The following PCDHGA11 variants were observed in gnomAD, a reference collection of about 807,000 sequenced individuals.
PCDHGA11 encodes the protein protocadherin gamma subfamily A, 11.
Under a neutral mutation model 60.4 loss-of-function variants are expected in PCDHGA11, and 39 were observed. The ratio of observed to expected loss-of-function variants is 0.65; its 90% CI spans 0.50 to 0.84. The LOEUF (loss-of-function observed/expected upper bound fraction) is 0.84, where lower values mean the gene tolerates loss of function less well. Among genes scored for constraint, PCDHGA11 ranks in the 40% least tolerant of loss-of-function variants. The pLI is 0.00. For missense variants in PCDHGA11, 1,165 were observed against 1,197.7 expected, an observed-to-expected ratio of 0.97 and a Z score of 0.40; for synonymous variants, 533 against 510.3, an observed-to-expected ratio of 1.04 and a Z score of -0.60.
intron 1 of PCDHGA11, among the ~76,000 whole-genome samples, chr5:141,466,570 T>C (rs967163331): frequency 6.6e-6 from 1 of 152,202 alleles, no homozygotes; most frequent in East Asian, 1.9e-4. Flanking sequence ...TCTTCAACAT[T>C]GTCTCATCCC....
At position 141,505,499 on chromosome 5, in the gene PCDHGA11, G is replaced by A. The variant is rs753203943; in HGVS notation, c.2581+18G>A. ...CGCCAGTGGTAAGTGGTGTCAGTGT[G>A]TGTATGGAAGAGTGGGAGACCTGGG... is the stretch of plus-strand genomic sequence containing the variant. On this transcript the variant is annotated intron_variant, in intron 3 of 3. Transcript: ENST00000398587. 6.2e-7 allele frequency: 1 copy of A among 1,614,172 alleles called. No homozygotes were observed. The highest frequency in any genetic ancestry group is 8.5e-7 in the Non-Finnish European group (1 of 1,179,982).
chr5:141,489,363 G>T lies in PCDHGA11; in HGVS notation c.2434-5444G>T, dbSNP rs767837736. 20 of 1,613,114 alleles carry T rather than the reference G, an allele frequency of 1.2e-5. No homozygotes were observed. Among genetic ancestry groups the T allele is most frequent in the Non-Finnish European group, 1.7e-5 (20 of 1,179,354 alleles). ...ACTCAGTGGTGGAGGAGTCTGAGCCGGGGACGCTGGTGGGGAATGTTGCTC... is the reference window on the plus strand; with the variant it reads ...ACTCAGTGGTGGAGGAGTCTGAGCCTGGGACGCTGGTGGGGAATGTTGCTC... On this transcript the variant is annotated intron_variant, in intron 1 of 3. Transcript: ENST00000398587. The surrounding 1 kb of genome is among the most constrained non-coding windows in gnomAD (Gnocchi z 4.5).
At chr5:141,453,586 C>T (rs1409763264) in intron 1 of PCDHGA11, among the ~76,000 whole-genome samples, 1 of 152,204 alleles carries the variant, frequency 6.6e-6, no homozygotes, top group Non-Finnish European at 1.5e-5. Context: ...GGTTTATCCT[C>T]ACTGTGTTTC....
chr5:141,427,440 G>T (rs747459662), intron 1 of PCDHGA11: 3 of 477,366 alleles, frequency 6.3e-6, no homozygotes, highest in South Asian at 3.1e-5. Flanking sequence ...CCTCATAAAC[G>T]AAAGAGTTCC....
intron 1 of PCDHGA11, among the ~76,000 whole-genome samples, chr5:141,469,315 G>A (rs1160946697): frequency 6.6e-6 from 1 of 151,866 alleles, no homozygotes; most frequent in African/African-American, 2.4e-5. Flanking sequence ...GATGGCTCAC[G>A]CCTGTAATCC....
chr5:141,496,276 G>C (rs1189269883), intron 2 of PCDHGA11, among the ~76,000 whole-genome samples: 1 of 152,204 alleles, frequency 6.6e-6, no homozygotes, highest in Admixed American at 6.5e-5. Flanking sequence ...AAGACCTTCA[G>C]TTGGTCTGAG....
At chr5:141,500,469 AAAG>A (rs1479386829) in intron 2 of PCDHGA11, among the ~76,000 whole-genome samples, 1 of 152,052 alleles carries the variant, frequency 6.6e-6, no homozygotes, top group Non-Finnish European at 1.5e-5. Context: ...TCGGCCTCCC[AAAG>A]TGCTGGGATT....
chr5:141,427,694 A>T (rs758628764), intron 1 of PCDHGA11: 2 of 913,932 alleles, frequency 2.2e-6, no homozygotes, highest in Non-Finnish European at 3.5e-6. Context: ...CCTCCATCCC[A>T]CAAGTCAGCG....
intron 1 of PCDHGA11, among the ~76,000 whole-genome samples, chr5:141,433,989 T>C (rs898601470): frequency 6.6e-6 from 1 of 152,248 alleles, no homozygotes; most frequent in Non-Finnish European, 1.5e-5. Context: ...AGAAGAGTTT[T>C]ATATTCTCTA....
Position 141,422,603 on chromosome 5 carries a change from C to G in PCDHGA11, c.1376C>G (p.Ser459Cys). Residue 459 changes from serine (S) to cysteine (C), a missense_variant, in exon 1 of 4, where the codon TCT (serine) becomes TGT (cysteine). Ser to Cys is a moderately radical substitution (Grantham distance 112). Coordinates refer to ENST00000398587, the MANE Select transcript of PCDHGA11 (RefSeq NM_018914.3). ...NPPVFPHSSY[S>C]AYIPENNPRG... ...CCCGTTTTTCCTCACTCCTCTTACTCTGCCTACATTCCCGAAAACAACCCC... is the reference window on the plus strand; with the variant it reads ...CCCGTTTTTCCTCACTCCTCTTACTGTGCCTACATTCCCGAAAACAACCCC... 1 of 1,614,078 alleles carries G rather than the reference C, an allele frequency of 6.2e-7. No individual in the cohort carries two copies. The highest frequency in any genetic ancestry group is 8.5e-7 in the Non-Finnish European group (1 of 1,179,990).
chr5:141,461,988 T>A (rs771762127), intron 1 of PCDHGA11, among the ~76,000 whole-genome samples: 1 of 152,170 alleles, frequency 6.6e-6, no homozygotes, highest in Non-Finnish European at 1.5e-5. Flanking sequence ...CACGCCAGGC[T>A]AATTTTGTAT....
At position 141,490,852 on chromosome 5, in the gene PCDHGA11, G is replaced by A. The variant is rs759198428; in HGVS notation, c.2434-3955G>A. 2 of 1,613,896 alleles carry A rather than the reference G, an allele frequency of 1.2e-6. No individual in the cohort carries two copies. Among genetic ancestry groups the A allele is most frequent in the Non-Finnish European group, 1.7e-6 (2 of 1,179,928 alleles). ...GCTGCAGATTGTGGTGGGGGTTCGA[G>A]ACTCCGGCTCTCCCCCATTGCATGC... On this transcript the variant is annotated intron_variant, in intron 1 of 3. Transcript: ENST00000398587. The surrounding 1 kb of genome is among the most constrained non-coding windows in gnomAD (Gnocchi z 5.4).
rs2099642802 is a variant in PCDHGA11, at chr5:141,487,311, CTAAG to C, written c.2434-7494_2434-7491del. The C allele has an allele frequency of 1.2e-6, 2 of 1,614,058 alleles. No individual in the cohort carries two copies. On this transcript the variant is annotated intron_variant, in intron 1 of 3. Coordinates refer to ENST00000398587, the MANE Select transcript of PCDHGA11 (RefSeq NM_018914.3). This position sits in a 1 kb window ranked among gnomAD's most constrained non-coding sequence, Gnocchi z 5.0. ...TTTGGCTCATTCGTGGCACTACTCTCTAAGTGTCTTCGTGGGGCAGCCTGTGGAG... is the reference window on the plus strand; with the variant it reads ...TTTGGCTCATTCGTGGCACTACTCTCTGTCTTCGTGGGGCAGCCTGTGGAG...
intron 3 of PCDHGA11, chr5:141,507,285 C>T (rs80317708): frequency 2.7e-5 from 4 of 150,212 alleles, no homozygotes; most frequent in African/African-American, 7.4e-5. Flanking sequence ...ATAAGTCAGT[C>T]TCAAATGTTG....
Position 141,490,611 on chromosome 5 carries a change from G to GCTTTA in PCDHGA11, c.2434-4194_2434-4190dup. On this transcript the variant is annotated intron_variant, in intron 1 of 3. Coordinates refer to ENST00000398587, the MANE Select transcript of PCDHGA11 (RefSeq NM_018914.3). The surrounding 1 kb of genome is among the most constrained non-coding windows in gnomAD (Gnocchi z 5.4). The stretch of plus-strand genomic sequence containing the variant: ...ACAATGCACCCCGCTTCAACCAGCA[G>GCTTTA]CTTTACACTGCTTACATCCTAGAAA... 6.2e-7 allele frequency: 1 copy of GCTTTA among 1,614,170 alleles called. No individual in the cohort carries two copies. Among genetic ancestry groups the GCTTTA allele is most frequent in the Non-Finnish European group, 8.5e-7 (1 of 1,180,036 alleles).
intron 1 of PCDHGA11, among the ~76,000 whole-genome samples, chr5:141,452,094 G>A (rs760924457): frequency 6.6e-6 from 1 of 152,162 alleles, no homozygotes; most frequent in South Asian, 2.1e-4. Context: ...CAGTAAGAAA[G>A]AGCTTTCTTT....
rs976135607 is a variant in PCDHGA11 at position 141,489,115 on chromosome 5, C to A, written c.2434-5692C>A. ...CTAAGAACTGCTGCAAGCAGGCAAA[C>A]CTCCGAGCAGTTTTTAAGAGGCTGG... On this transcript the variant is annotated intron_variant, in intron 1 of 3. Coordinates refer to ENST00000398587, the MANE Select transcript of PCDHGA11 (RefSeq NM_018914.3). This position sits in a 1 kb window ranked among gnomAD's most constrained non-coding sequence, Gnocchi z 4.5. 7.3e-5 allele frequency: 37 copies of A among 506,794 alleles called. No homozygotes were observed. Among genetic ancestry groups the A allele is most frequent in the Non-Finnish European group, 1.2e-4 (35 of 298,604 alleles). 31.4% of individuals were successfully genotyped at this position (506,794 alleles called of 1,614,324 possible).
At chr5:141,510,334 C>G (rs1463634534) in intron 3 of PCDHGA11, among the ~76,000 whole-genome samples, 1 of 151,448 alleles carries the variant, frequency 6.6e-6, no homozygotes, top group African/African-American at 2.4e-5. Context: ...TCTTCACCCC[C>G]ACCCCACACA....
chr5:141,500,430 C>T (rs2099800127), intron 2 of PCDHGA11, among the ~76,000 whole-genome samples: 1 of 151,676 alleles, frequency 6.6e-6, no homozygotes, highest in African/African-American at 2.4e-5. Context: ...AGGATGGTCT[C>T]GATCTCCTGA....
Sources: allele counts gnomAD v4.1 joint callset (sites outside exome capture counted in the v4.1 genomes callset), GRCh38; gene constraint gnomAD v4.1.1; non-coding constraint Gnocchi (gnomAD v3.1); transcripts MANE v1.5; gene names NCBI Gene and HGNC (gene_info 2026-07-23, HGNC 2026-07-21).